Variants in ADGRV1 observed in about 807,000 individuals in gnomAD.
The protein encoded by ADGRV1 is adhesion G protein-coupled receptor V1.
ADGRV1 carries 359 observed loss-of-function variants against 596.2 expected under a neutral mutation model. The ratio of observed to expected loss-of-function variants is 0.60; its 90% confidence interval spans 0.55 to 0.66. ADGRV1 has a LOEUF of 0.66. Among genes scored for constraint, ADGRV1 ranks in the 30% least tolerant of loss-of-function variants. ADGRV1 has a pLI of 0.00. For missense variants in ADGRV1, 7,274 were observed against 7,575.6 expected, an observed-to-expected ratio of 0.96 and a Z score of 1.48; for synonymous variants, 2,681 against 2,679.2, an observed-to-expected ratio of 1.00 and a Z score of -0.02.
intron 1 of ADGRV1, among the ~76,000 whole-genome samples, chr5:90,604,536 A>G (rs945578287): frequency 6.6e-6 from 1 of 152,164 alleles, no homozygotes; most frequent in Non-Finnish European, 1.5e-5. Flanking sequence ...ACTGCTTTTC[A>G]TGACTTTTTA....
rs375923888 is a variant in ADGRV1, at chr5:90,928,133, T to C, written c.17857-37282T>C. ...TCTTGAAGTTGCTCTTCTCGAGGAG[T>C]ATCTTTGTGGCATTCTCTGTATTTC... On this transcript the variant is annotated intron_variant, in intron 83 of 89. Transcript: ENST00000405460. Among the ~76,000 whole-genome samples, 6 of 152,186 alleles carry C rather than the reference T, an allele frequency of 3.9e-5. No individual in the cohort carries two copies. In the East Asian group the frequency reaches 9.7e-4, roughly 25 times the overall value.
intron 83 of ADGRV1, among the ~76,000 whole-genome samples, chr5:90,921,026 A>G (rs1344369847): frequency 1.3e-5 from 2 of 152,216 alleles, no homozygotes; most frequent in African/African-American, 4.8e-5. Flanking sequence ...TTCCATTTTA[A>G]TAAATAAAAC....
At chr5:90,723,462 A>G (rs1751351889) in intron 45 of ADGRV1, among the ~76,000 whole-genome samples, 1 of 152,186 alleles carries the variant, frequency 6.6e-6, no homozygotes, top group African/African-American at 2.4e-5. Flanking sequence ...TGGACTTTGC[A>G]TGTGTTTTTT....
chr5:90,765,995 C>T (rs77236023), intron 59 of ADGRV1, among the ~76,000 whole-genome samples: 43,965 of 151,692 alleles, frequency 0.29, 6,700 homozygotes, highest in Non-Finnish European at 0.35. Context: ...CTGCAAGCTC[C>T]ACCTCCCGGG....
intron 83 of ADGRV1, among the ~76,000 whole-genome samples, chr5:90,964,938 G>A (rs1778327310): frequency 6.6e-6 from 1 of 152,128 alleles, no homozygotes; most frequent in African/African-American, 2.4e-5. Context: ...GATAACCATA[G>A]AATTTGAATT....
At chr5:91,092,138 T>C (rs1428952867) in intron 86 of ADGRV1, among the ~76,000 whole-genome samples, 1 of 152,146 alleles carries the variant, frequency 6.6e-6, no homozygotes, top group Non-Finnish European at 1.5e-5. Context: ...TCTTGCTCTG[T>C]CACCCAGGCT....
chr5:90,959,263 G>C (rs1412390874), intron 83 of ADGRV1, among the ~76,000 whole-genome samples: 1 of 151,638 alleles, frequency 6.6e-6, no homozygotes, highest in African/African-American at 2.4e-5. Context: ...ACATATAAAA[G>C]AATTAGGGGT....
At chr5:90,962,334 GAATA>G (rs1394688721) in intron 83 of ADGRV1, among the ~76,000 whole-genome samples, 1 of 152,176 alleles carries the variant, frequency 6.6e-6, no homozygotes, top group African/African-American at 2.4e-5. Context: ...CATTCATACT[GAATA>G]AATCAATGTA....
chr5:90,980,357 T>C (rs1779981805), intron 84 of ADGRV1, among the ~76,000 whole-genome samples: 1 of 152,218 alleles, frequency 6.6e-6, no homozygotes, highest in African/African-American at 2.4e-5. Flanking sequence ...TTTTTGGACT[T>C]GTCTTCAGAG....
At position 90,657,880 on chromosome 5, in the gene ADGRV1, C is replaced by A. The variant is rs767556526; in HGVS notation, c.4379-25C>A. 2.5e-6 allele frequency: 4 copies of A among 1,581,612 alleles called. No homozygotes were observed. The South Asian group carries it at 3.5e-5, about 14-fold the overall frequency. Reference sequence around the variant, plus strand: ...GACAGGACACTTGAAGGTATTGTAGCATTTAAACTTGTCTCTAATTTCAGG... The same window carrying A: ...GACAGGACACTTGAAGGTATTGTAGAATTTAAACTTGTCTCTAATTTCAGG... On this transcript the variant is annotated intron_variant, in intron 20 of 89. Transcript: ENST00000405460.
At chr5:91,111,093 A>T (rs572857498) in intron 87 of ADGRV1, among the ~76,000 whole-genome samples, 11 of 152,302 alleles carry the variant, frequency 7.2e-5, no homozygotes, top group Admixed American at 5.2e-4. Flanking sequence ...AATGGTTGGG[A>T]AATAAGTGAT....
At chr5:90,852,343 A>G (rs1046258865) in intron 79 of ADGRV1, among the ~76,000 whole-genome samples, 8 of 152,188 alleles carry the variant, frequency 5.3e-5, no homozygotes, top group African/African-American at 1.9e-4. Flanking sequence ...ATGTAAATCT[A>G]CGACGTAGTT....
At chr5:91,143,866 G>GCC (rs529875822) in intron 87 of ADGRV1, among the ~76,000 whole-genome samples, 35 of 152,304 alleles carry the variant, frequency 2.3e-4, no homozygotes, top group Non-Finnish European at 4.7e-4. Flanking sequence ...GCTGCCCTCA[G>GCC]CCCCCCTCAG....
chr5:90,725,110 A>G lies in ADGRV1; in HGVS notation c.9931A>G (p.Thr3311Ala), dbSNP rs1387551519. The G allele has an allele frequency of 6.5e-7, 1 of 1,536,630 alleles. No individual in the cohort carries two copies. Among genetic ancestry groups the G allele is most frequent in the African/African-American group, 1.4e-5 (1 of 71,932 alleles). ...GGATTTAAATATAGAAAATCCTAAA[A>G]CTTGTGAGGCCTTTAATATTGGTTT... ...VEDLNIENPK[T>A]CEAFNIGFSP... The change falls in exon 47 of 90, where the codon ACT becomes GCT. Residue 3311 changes from threonine to alanine, a missense_variant. Physicochemically the swap from Thr to Ala is moderately conservative, Grantham distance 58. Coordinates refer to ENST00000405460, the MANE Select transcript of ADGRV1 (RefSeq NM_032119.4).
At chr5:90,704,330 C>G (rs1748307597) in intron 35 of ADGRV1, 59 bp from the exon 36 acceptor site, 3 of 982,500 alleles carry the variant, frequency 3.1e-6, no homozygotes, top group Non-Finnish European at 1.5e-6. Context: ...AAAAATAAAG[C>G]AGGAGATAGT....
intron 85 of ADGRV1, among the ~76,000 whole-genome samples, chr5:91,052,595 T>C (rs1786446811): frequency 6.6e-6 from 1 of 151,890 alleles, no homozygotes; most frequent in Non-Finnish European, 1.5e-5. Context: ...CCACCACGCC[T>C]GGCTAATTTT....
At chr5:90,955,135 A>G (rs74618953) in intron 83 of ADGRV1, among the ~76,000 whole-genome samples, 9,231 of 152,190 alleles carry the variant, frequency 0.061, 373 homozygotes, top group Middle Eastern at 0.14. Context: ...CTCACCAGAC[A>G]CCAGATCTTC....
At chr5:90,974,740 A>T (rs1444092400) in intron 84 of ADGRV1, among the ~76,000 whole-genome samples, 1 of 152,236 alleles carries the variant, frequency 6.6e-6, no homozygotes, top group African/African-American at 2.4e-5. Context: ...CTAAAACCAT[A>T]AAAACCCTAG....
Position 90,729,622 on chromosome 5 carries a change from CT to C in ADGRV1, c.10427-18del. On this transcript the variant is annotated intron_variant, in intron 49 of 89. Coordinates refer to ENST00000405460, the MANE Select transcript of ADGRV1 (RefSeq NM_032119.4). ...CTGTAACTTTTGCATTAAGATTTGACTTCTATTTCATTATTGCAGGAGATCA... is the reference window on the plus strand; with the variant it reads ...CTGTAACTTTTGCATTAAGATTTGACTCTATTTCATTATTGCAGGAGATCA... The C allele has an allele frequency of 7.6e-6, 12 of 1,574,730 alleles. No homozygotes were observed. The highest frequency in any genetic ancestry group is 9.6e-6 in the Non-Finnish European group (11 of 1,151,270).
Sources: allele counts gnomAD v4.1 joint callset (sites outside exome capture counted in the v4.1 genomes callset), GRCh38; gene constraint gnomAD v4.1.1; transcripts MANE v1.5; gene names NCBI Gene and HGNC (gene_info 2026-07-23, HGNC 2026-07-21).